ZCCHC9: variants seen among roughly 807,000 people sequenced by gnomAD.
The protein encoded by ZCCHC9 is zinc finger CCHC-type containing 9, also known as zinc finger CCHC domain-containing protein 9.
A neutral mutation model predicts 30.8 loss-of-function variants in ZCCHC9; 18 were observed. The observed-to-expected ratio is 0.58, with a 90% CI of 0.40 to 0.87. ZCCHC9 has a LOEUF of 0.87. ZCCHC9 is among the 40% of genes least tolerant of loss of function. The pLI is 0.00. For synonymous variants in ZCCHC9, 94 were observed against 106.7 expected (o/e 0.88, Z 0.73); for missense variants, 279 against 331.2 (o/e 0.84, Z 1.22).
intron 2 of ZCCHC9, among the ~76,000 whole-genome samples, chr5:81,307,994 C>T (rs1476239661): frequency 3.3e-5 from 1 of 30,300 alleles, no homozygotes; most frequent in Non-Finnish European, 5.5e-5. Flanking sequence ...GACTCCGTCT[C>T]AAAAAAAAAA....
At chr5:81,310,413 G>C (rs1246658055) in intron 4 of ZCCHC9, among the ~76,000 whole-genome samples, 1 of 152,024 alleles carries the variant, frequency 6.6e-6, no homozygotes, top group Non-Finnish European at 1.5e-5. Context: ...ATTATGTTGG[G>C]GGAAAAGTAG....
intron 1 of ZCCHC9, 71 bp from the exon 2 acceptor site, chr5:81,304,670 C>A: frequency 1.5e-6 from 2 of 1,357,374 alleles, no homozygotes; most frequent in Non-Finnish European, 2.0e-6. Context: ...AGTGATATAG[C>A]ATGTCTCTTT....
intron 2 of ZCCHC9, among the ~76,000 whole-genome samples, chr5:81,306,968 G>A (rs1381321791): frequency 1.3e-5 from 2 of 151,992 alleles, no homozygotes; most frequent in Non-Finnish European, 2.9e-5. Flanking sequence ...CATTCTAAAT[G>A]TACAAGTTAC....
At chr5:81,309,964 T>C (rs1228060240) in intron 4 of ZCCHC9, among the ~76,000 whole-genome samples, 1 of 152,112 alleles carries the variant, frequency 6.6e-6, no homozygotes, top group African/African-American at 2.4e-5. Context: ...TGATGAATTA[T>C]GGTATTTGCC....
At position 81,313,223 on chromosome 5, in the gene ZCCHC9, A is replaced by G. The variant is rs747254161; in HGVS notation, c.*561A>G. 6.6e-6 allele frequency: 1 copy of G among 152,210 alleles called. No individual in the cohort carries two copies. The highest frequency in any genetic ancestry group is 1.5e-5 in the Non-Finnish European group (1 of 68,038). The allele number at this position is 152,210 out of a possible 1,614,324, so 9.4% of individuals were successfully genotyped here. A position where few individuals can be genotyped will look rare whatever the true frequency, so the allele number is the denominator to read the frequency against. ...ATTGTTCGTTAATATCCATGTAACA[A>G]TCCCATTGGAAACAAGATTTTTTTT... On this transcript the variant is annotated 3_prime_UTR_variant, in exon 6 of 6. Transcript: ENST00000407610.
intron 5 of ZCCHC9, among the ~76,000 whole-genome samples, chr5:81,311,889 A>G (rs777146989): frequency 1.7e-4 from 26 of 152,216 alleles, no homozygotes; most frequent in Non-Finnish European, 3.2e-4. Flanking sequence ...TCCTATGTGA[A>G]GGAAAGCAAG....
Position 81,312,823 on chromosome 5 carries a change from A to G in ZCCHC9, c.*161A>G. Reference sequence around the variant, plus strand: ...CAATTTTCTTTATTCTGTCTATCAAATAGTACTTCTACCACTGTTTGGAGA... The same window carrying G: ...CAATTTTCTTTATTCTGTCTATCAAGTAGTACTTCTACCACTGTTTGGAGA... On this transcript the variant is annotated 3_prime_UTR_variant, in exon 6 of 6. Transcript: ENST00000407610. The G allele has an allele frequency of 9.5e-6, 5 of 525,788 alleles. No homozygotes were observed. The South Asian group carries it at 1.4e-4, about 14-fold the overall frequency. 32.6% of individuals were successfully genotyped at this position (525,788 alleles called of 1,614,324 possible). A position where few individuals can be genotyped will look rare whatever the true frequency, so the allele number is the denominator to read the frequency against.
chr5:81,308,027 A>ATCTATCTATCTG (rs1554049992), intron 2 of ZCCHC9, among the ~76,000 whole-genome samples: 4 of 138,322 alleles, frequency 2.9e-5, no homozygotes, highest in African/African-American at 1.1e-4. Context: ...AAAAAAATCT[A>ATCTATCTATCTG]TCTATCTATC....
At chr5:81,309,182 A>G in intron 4 of ZCCHC9, 144 bp downstream of exon 4, 1 of 604,078 alleles carries the variant, frequency 1.7e-6, no homozygotes, top group Non-Finnish European at 2.7e-6. Flanking sequence ...AAGTGCTATC[A>G]TATGTACTAG....
Position 81,304,782 on chromosome 5 carries a change from A to G in ZCCHC9, c.25A>G (p.Thr9Ala). The G allele has an allele frequency of 6.2e-7, 1 of 1,600,334 alleles. No individual in the cohort carries two copies. Residue 9 changes from threonine (T) to alanine (A), a missense_variant, in exon 2 of 6, where the codon ACC (threonine) becomes GCC (alanine). Thr to Ala is a moderately conservative substitution (Grantham distance 58, BLOSUM62 0). Coordinates refer to ENST00000407610, the MANE Select transcript of ZCCHC9 (RefSeq NM_001131035.2). MTRWARVS[T>A]TYNKRPLPAT... Reference sequence around the variant, plus strand: ...TATGACCAGGTGGGCCCGAGTTAGTACCACATATAACAAGAGACCCTTGCC... The same window carrying G: ...TATGACCAGGTGGGCCCGAGTTAGTGCCACATATAACAAGAGACCCTTGCC...
Position 81,312,937 on chromosome 5 carries a change from A to G in ZCCHC9, c.*275A>G. ...AACTTAGACATAACCAAGTAGTTGT[A>G]TACCTGATTGTAACAATCATCTTTT... On this transcript the variant is annotated 3_prime_UTR_variant, in exon 6 of 6. Transcript: ENST00000407610. 1 of 202,858 alleles carries G rather than the reference A, an allele frequency of 4.9e-6. No homozygotes were observed. The highest frequency in any genetic ancestry group is 9.9e-6 in the Non-Finnish European group (1 of 100,642). The allele number at this position is 202,858 out of a possible 1,614,324, so 12.6% of individuals were successfully genotyped here. A position where few individuals can be genotyped will look rare whatever the true frequency, so the allele number is the denominator to read the frequency against.
intron 2 of ZCCHC9, among the ~76,000 whole-genome samples, chr5:81,308,018 A>ATCTATCT (rs1580494269): frequency 6.1e-5 from 2 of 33,000 alleles, no homozygotes; most frequent in East Asian, 3.1e-3. Flanking sequence ...AAAAAAAAAA[A>ATCTATCT]AAAAATCTAT....
intron 5 of ZCCHC9, 71 bp downstream of exon 5, chr5:81,311,350 A>G (rs193229018): frequency 4.8e-6 from 7 of 1,453,950 alleles, no homozygotes; most frequent in Admixed American, 3.4e-5. Context: ...TGCACTTGTT[A>G]TTAATAACTC....
At chr5:81,307,822 C>A (rs11739833) in intron 2 of ZCCHC9, among the ~76,000 whole-genome samples, 15,125 of 151,046 alleles carry the variant, frequency 0.1, 834 homozygotes, top group Middle Eastern at 0.19. Flanking sequence ...CATGGTGAAA[C>A]CCCGTCTCCA....
chr5:81,307,091 C>T (rs904832131), intron 2 of ZCCHC9, among the ~76,000 whole-genome samples: 4 of 151,924 alleles, frequency 2.6e-5, no homozygotes, highest in Non-Finnish European at 5.9e-5. Context: ...TTAAAAAAAC[C>T]TGTGCTTATT....
At chr5:81,312,511 T>C in intron 5 of ZCCHC9, 33 bp from the exon 6 acceptor site, 1 of 1,550,482 alleles carries the variant, frequency 6.4e-7, no homozygotes, top group Non-Finnish European at 8.8e-7. Flanking sequence ...ATTACTGTTT[T>C]TCTAACATTC....
Position 81,312,769 on chromosome 5 carries a change from T to C in ZCCHC9, c.*107T>C. ...CCTGTAGCCAGGACTATGCTGTAGA[T>C]ATCAGTATGATCTGGGTGTGGCCAA... On this transcript the variant is annotated 3_prime_UTR_variant, in exon 6 of 6. Transcript: ENST00000407610. The C allele has an allele frequency of 1.3e-6, 1 of 780,754 alleles. No individual in the cohort carries two copies. Among genetic ancestry groups the C allele is most frequent in the Non-Finnish European group, 2.1e-6 (1 of 468,242 alleles). 48.4% of individuals were successfully genotyped at this position (780,754 alleles called of 1,614,324 possible).
chr5:81,308,493 G>T, intron 2 of ZCCHC9, 68 bp from the exon 3 acceptor site: 2 of 1,433,692 alleles, frequency 1.4e-6, no homozygotes, highest in Non-Finnish European at 1.8e-6. Context: ...ATATGTTTTT[G>T]ATAACAAGAA....
chr5:81,307,541 T>A (rs917694604), intron 2 of ZCCHC9, among the ~76,000 whole-genome samples: 2 of 151,638 alleles, frequency 1.3e-5, no homozygotes, highest in Admixed American at 1.3e-4. Context: ...TAATCCCAGC[T>A]ACTTGGGAGG....
Sources: allele counts gnomAD v4.1 joint callset (sites outside exome capture counted in the v4.1 genomes callset), GRCh38; gene constraint gnomAD v4.1.1; transcripts MANE v1.5; gene names NCBI Gene and HGNC (gene_info 2026-07-23, HGNC 2026-07-21).